Variants in RANBP2 observed in about 807,000 individuals in gnomAD.
The protein encoded by RANBP2 is E3 SUMO-protein ligase RanBP2.
In RANBP2, 57 loss-of-function variants were observed where a neutral mutation model predicts 303.6. That is an observed-to-expected ratio of 0.19 (90% confidence interval 0.15 to 0.23). The LOEUF (loss-of-function observed/expected upper bound fraction) is 0.23, where lower values mean the gene tolerates loss of function less well. Among genes scored for constraint, RANBP2 ranks in the 10% least tolerant of loss-of-function variants. RANBP2 has a pLI of 1.00. For synonymous variants in RANBP2, 1,167 were observed against 1,301.5 expected (o/e 0.90, Z 2.23); for missense variants, 3,138 against 3,780.8 (o/e 0.83, Z 4.46).
chr2:108,817,474 G>A, the RANBP2 span, among the ~76,000 whole-genome samples: 1 of 151,942 alleles, frequency 6.6e-6, no homozygotes, highest in African/African-American at 2.4e-5. Context: ...TGTATTTTTA[G>A]TAGAGACGGG....
chr2:109,556,056 T>C, the RANBP2 span, among the ~76,000 whole-genome samples: 2 of 152,336 alleles, frequency 1.3e-5, no homozygotes, highest in Admixed American at 1.3e-4. Context: ...CAGAGCTCTC[T>C]AGACATTTCA....
the RANBP2 span, among the ~76,000 whole-genome samples, chr2:109,249,534 TCCTTCCTTCC>T: frequency 2.8e-5 from 3 of 109,038 alleles, no homozygotes; most frequent in Non-Finnish European, 3.8e-5. Flanking sequence ...TTTCTTTCTT[TCCTTCCTTCC>T]TTCCTTCCTT....
chr2:109,182,690 G>A, the RANBP2 span, among the ~76,000 whole-genome samples: 452 of 152,164 alleles, frequency 3.0e-3, no homozygotes, highest in Non-Finnish European at 3.3e-3. Flanking sequence ...AGGCTAGGCT[G>A]GTATTTCCTT....
the RANBP2 span, among the ~76,000 whole-genome samples, chr2:109,357,171 CTTGTTTT>C: frequency 6.6e-6 from 1 of 150,494 alleles, no homozygotes; most frequent in Non-Finnish European, 1.5e-5. Flanking sequence ...ACAATATATT[CTTGTTTT>C]TTGTTTTTTG....
chr2:109,617,436 A>G, the RANBP2 span: 1 of 167,104 alleles, frequency 6.0e-6, no homozygotes, highest in Non-Finnish European at 1.5e-5. Flanking sequence ...ATTAGAGTAA[A>G]TGGCTTCATA....
At chr2:109,132,517 G>A in the RANBP2 span, among the ~76,000 whole-genome samples, 20 of 152,138 alleles carry the variant, frequency 1.3e-4, no homozygotes, top group Middle Eastern at 3.2e-3. Context: ...GAGATAAAGC[G>A]CTTTTGTGGA....
chr2:108,964,246 T>C, the RANBP2 span, among the ~76,000 whole-genome samples: 1 of 152,138 alleles, frequency 6.6e-6, no homozygotes. Flanking sequence ...CTGGGGAAAC[T>C]GAGACTCTGA....
Position 108,775,840 on chromosome 2 carries a change from A to C in RANBP2, c.8401A>C (p.Lys2801Gln). 1 of 1,613,790 alleles carries C rather than the reference A, an allele frequency of 6.2e-7. No individual in the cohort carries two copies. Among genetic ancestry groups the C allele is most frequent in the Non-Finnish European group, 8.5e-7 (1 of 1,179,930 alleles). Residue 2801 changes from lysine to glutamine, a missense_variant, in exon 24 of 29, where the codon AAA (lysine) becomes CAA (glutamine). Lys to Gln is a moderately conservative substitution (Grantham distance 53). Transcript: ENST00000283195. ...ATCTGAAGAACCTGATTCTATTACC[A>C]AATCCATTAGTTCACCATCTGTTTC... ...CKSEEPDSIT[K>Q]SISSPSVSSE...
At chr2:109,691,662 G>C in the RANBP2 span, among the ~76,000 whole-genome samples, 1 of 152,164 alleles carries the variant, frequency 6.6e-6, no homozygotes, top group African/African-American at 2.4e-5. Flanking sequence ...AGGGGATAGG[G>C]AGGGACAAGC....
intron 7 of RANBP2, among the ~76,000 whole-genome samples, chr2:108,746,108 C>T (rs1027454990): frequency 3.3e-5 from 5 of 151,776 alleles, no homozygotes; most frequent in Non-Finnish European, 5.9e-5. Flanking sequence ...AGGGTCTCAC[C>T]GTGTTGTTCA....
chr2:109,206,385 G>C, the RANBP2 span, among the ~76,000 whole-genome samples: 2 of 151,350 alleles, frequency 1.3e-5, no homozygotes, highest in African/African-American at 4.9e-5. Context: ...CAGCTACTCA[G>C]GAGGCTGAGG....
At chr2:109,553,171 A>C in the RANBP2 span, 1 of 1,614,100 alleles carries the variant, frequency 6.2e-7, no homozygotes, top group Non-Finnish European at 8.5e-7. Flanking sequence ...CCTTCCTCTG[A>C]CGTTCACCAT....
chr2:108,826,473 G>A, the RANBP2 span, among the ~76,000 whole-genome samples: 1 of 151,980 alleles, frequency 6.6e-6, no homozygotes, highest in East Asian at 1.9e-4. Context: ...TTTACCTGTA[G>A]ATACCCATTT....
the RANBP2 span, among the ~76,000 whole-genome samples, chr2:109,189,361 G>A: frequency 7.8e-6 from 1 of 128,824 alleles, no homozygotes; most frequent in African/African-American, 2.8e-5. Context: ...GTGTTCAGTC[G>A]TTTGACTTTT....
chr2:109,388,302 C>T, the RANBP2 span, among the ~76,000 whole-genome samples: 8 of 152,186 alleles, frequency 5.3e-5, no homozygotes, highest in African/African-American at 1.9e-4. Flanking sequence ...TTAGTTGCAG[C>T]ATGCCTGTTC....
chr2:109,462,305 C>T, the RANBP2 span, among the ~76,000 whole-genome samples: 4 of 151,834 alleles, frequency 2.6e-5, no homozygotes, highest in Non-Finnish European at 5.9e-5. Context: ...TGAAAGCAAA[C>T]TGCTTCAGTC....
chr2:109,166,626 A>G, the RANBP2 span, among the ~76,000 whole-genome samples: 1 of 152,222 alleles, frequency 6.6e-6, no homozygotes, highest in South Asian at 2.1e-4. Flanking sequence ...CATTCCAGTG[A>G]GGGAGTGAAG....
At chr2:108,993,129 A>C in the RANBP2 span, among the ~76,000 whole-genome samples, 18 of 152,198 alleles carry the variant, frequency 1.2e-4, no homozygotes, top group Admixed American at 1.3e-4. Context: ...CAGCAAGCTG[A>C]TGTGGGGGTA....
At chr2:109,332,706 C>G in the RANBP2 span, among the ~76,000 whole-genome samples, 1 of 152,252 alleles carries the variant, frequency 6.6e-6, no homozygotes, top group South Asian at 2.1e-4. Flanking sequence ...TGATTCCTGC[C>G]GAGCTTCCTA....
Sources: allele counts gnomAD v4.1 joint callset (sites outside exome capture counted in the v4.1 genomes callset), GRCh38; gene constraint gnomAD v4.1.1; transcripts MANE v1.5; gene names NCBI Gene and HGNC (gene_info 2026-07-23, HGNC 2026-07-21).